Variants in POPDC1 observed in about 807,000 individuals in gnomAD.
POPDC1 encodes the protein popeye domain-containing protein 1.
the POPDC1 span, among the ~76,000 whole-genome samples, chr6:105,109,763 C>CAAAAAAAAAAAAA: frequency 0.022 from 506 of 22,794 alleles, 54 homozygotes; most frequent in African/African-American, 0.048. Flanking sequence ...GACCCTTTCT[C>CAAAAAAAAAAAAA]AAAAAAAAAA....
At chr6:105,126,817 A>G in the POPDC1 span, among the ~76,000 whole-genome samples, 4 of 152,356 alleles carry the variant, frequency 2.6e-5, no homozygotes, top group African/African-American at 9.6e-5. Context: ...TCACATTTAT[A>G]TACTCTCAAG....
At chr6:105,121,039 T>C in the POPDC1 span, among the ~76,000 whole-genome samples, 10 of 152,304 alleles carry the variant, frequency 6.6e-5, no homozygotes, top group African/African-American at 2.2e-4. Flanking sequence ...TAAAACTTAG[T>C]GTTCATTTCT....
At chr6:105,116,816 C>G in the POPDC1 span, 2 of 1,612,412 alleles carry the variant, frequency 1.2e-6, no homozygotes, top group Non-Finnish European at 1.7e-6. Context: ...GTATGTTAAT[C>G]TTTCTCTTGA....
At chr6:105,118,331 T>G in the POPDC1 span, among the ~76,000 whole-genome samples, 1 of 152,222 alleles carries the variant, frequency 6.6e-6, no homozygotes, top group Non-Finnish European at 1.5e-5. Context: ...CTGGCTACTT[T>G]AAAAAGTGGT....
At chr6:105,109,495 T>C in the POPDC1 span, among the ~76,000 whole-genome samples, 49 of 151,978 alleles carry the variant, frequency 3.2e-4, no homozygotes, top group African/African-American at 1.2e-3. Context: ...CCCAGTACTT[T>C]GGGAGGCCAA....
At chr6:105,135,583 A>G in the POPDC1 span, among the ~76,000 whole-genome samples, 1 of 152,206 alleles carries the variant, frequency 6.6e-6, no homozygotes, top group Non-Finnish European at 1.5e-5. Context: ...AAGTGACACT[A>G]AAAGTACCAA....
chr6:105,123,901 G>C, the POPDC1 span, among the ~76,000 whole-genome samples: 2 of 151,960 alleles, frequency 1.3e-5, no homozygotes, highest in Admixed American at 1.3e-4. Flanking sequence ...CAATTACTTG[G>C]TTTAAGAACA....
chr6:105,114,360 A>T, the POPDC1 span, among the ~76,000 whole-genome samples: 1 of 152,294 alleles, frequency 6.6e-6, no homozygotes, highest in South Asian at 2.1e-4. Flanking sequence ...CCAAAAAACA[A>T]CCCTAAAAAG....
the POPDC1 span, among the ~76,000 whole-genome samples, chr6:105,116,515 T>C: frequency 6.2e-4 from 95 of 152,326 alleles, no homozygotes; most frequent in African/African-American, 2.0e-3. Flanking sequence ...CTGACAATTG[T>C]AGACTCCTTA....
the POPDC1 span, chr6:105,099,549 A>AGTGCCACAGCCACGCTGGCCAG: frequency 1.3e-5 from 2 of 152,208 alleles, no homozygotes; most frequent in African/African-American, 2.4e-5. Flanking sequence ...GTCCTGGCCA[A>AGTGCCACAGCCACGCTGGCCAG]GTGCCACAGC....
the POPDC1 span, among the ~76,000 whole-genome samples, chr6:105,134,271 A>T: frequency 6.6e-6 from 1 of 152,120 alleles, no homozygotes; most frequent in Non-Finnish European, 1.5e-5. Flanking sequence ...TAATAATTCT[A>T]CCTGGTAGCA....
chr6:105,131,205 T>C, the POPDC1 span, among the ~76,000 whole-genome samples: 1 of 152,202 alleles, frequency 6.6e-6, no homozygotes, highest in Non-Finnish European at 1.5e-5. Flanking sequence ...TTCATAAGAA[T>C]GATTTGATGC....
chr6:105,097,718 A>G, the POPDC1 span: 1 of 152,210 alleles, frequency 6.6e-6, no homozygotes, highest in Non-Finnish European at 1.5e-5. Flanking sequence ...GCTTCAGACA[A>G]GTGGGAAAAC....
chr6:105,125,060 CT>C, the POPDC1 span, among the ~76,000 whole-genome samples: 2 of 152,312 alleles, frequency 1.3e-5, no homozygotes, highest in Middle Eastern at 3.4e-3. Flanking sequence ...GACAAATTAA[CT>C]CTGGAGCATG....
chr6:105,134,659 T>C, the POPDC1 span, among the ~76,000 whole-genome samples: 6 of 152,128 alleles, frequency 3.9e-5, no homozygotes, highest in African/African-American at 1.2e-4. Flanking sequence ...TGGTACAAAA[T>C]GGGTATTTTG....
chr6:105,126,872 G>C, the POPDC1 span, among the ~76,000 whole-genome samples: 1 of 152,252 alleles, frequency 6.6e-6, no homozygotes, highest in Non-Finnish European at 1.5e-5. Context: ...TTTTAGTGTA[G>C]AAGTTTCATT....
At chr6:105,125,301 T>C in the POPDC1 span, 1 of 1,423,002 alleles carries the variant, frequency 7.0e-7, no homozygotes, top group Non-Finnish European at 9.7e-7. Context: ...CTCCATTCAT[T>C]GGCAACATTT....
chr6:105,099,213 A>T, the POPDC1 span: 1 of 152,240 alleles, frequency 6.6e-6, no homozygotes, highest in Admixed American at 6.5e-5. Context: ...GATGACAGGA[A>T]CTGGATTCAG....
At chr6:105,125,899 ATT>A in the POPDC1 span, among the ~76,000 whole-genome samples, 1 of 151,840 alleles carries the variant, frequency 6.6e-6, no homozygotes. Context: ...TCTATCTCTA[ATT>A]AAAAAGAAAA....
Sources: allele counts gnomAD v4.1 joint callset (sites outside exome capture counted in the v4.1 genomes callset), GRCh38; gene constraint gnomAD v4.1.1; transcripts MANE v1.5; gene names NCBI Gene and HGNC (gene_info 2026-07-23, HGNC 2026-07-21).